Variants in IQCJ observed in about 807,000 individuals in gnomAD.
IQCJ encodes IQ domain-containing protein J.
Under a neutral mutation model 11.0 loss-of-function variants are expected in IQCJ, and 9 were observed. That is an observed-to-expected ratio of 0.82 (90% CI 0.49 to 1.43). The LOEUF is 1.43. Ranked by LOEUF, IQCJ falls within the 40% of genes most tolerant of loss-of-function variation. The probability of loss-of-function intolerance (pLI) is 0.00; values close to 1 mark genes in which losing one functional copy is unlikely to be tolerated. For missense variants in IQCJ, 146 were observed against 133.2 expected (o/e 1.10, Z -0.47); for synonymous variants, 55 against 51.3 (o/e 1.07, Z -0.31).
At chr3:159,101,490 G>T (rs1489933449) in intron 1 of IQCJ, among the ~76,000 whole-genome samples, 5 of 152,174 alleles carry the variant, frequency 3.3e-5, no homozygotes, top group African/African-American at 1.2e-4. Context: ...AGGCAAGGTT[G>T]CTTCATGGGA....
At chr3:159,165,726 GC>G (rs1722127018) in intron 1 of IQCJ, among the ~76,000 whole-genome samples, 1 of 149,430 alleles carries the variant, frequency 6.7e-6, no homozygotes, top group Non-Finnish European at 1.5e-5. Context: ...CAATTCTCCT[GC>G]CTCAGCCTCC....
chr3:159,197,774 C>T (rs1724073879), intron 1 of IQCJ, among the ~76,000 whole-genome samples: 1 of 151,438 alleles, frequency 6.6e-6, no homozygotes, highest in African/African-American at 2.4e-5. Context: ...CAGCTACTCT[C>T]AAGTAAGCAC....
In IQCJ at chr3:159,139,702, T is replaced by A. The variant is rs369139192; in HGVS notation, c.9+70261T>A. 3.3e-5 allele frequency among the ~76,000 whole-genome samples: 5 copies of A among 152,348 alleles called. No homozygotes were observed. In the East Asian group the frequency reaches 7.7e-4, roughly 24 times the overall value. ...TGGGCTGGGACACCTGCCAGGGTGC[T>A]GCTCAACAGATTCTCTCTTCATGCA... On this transcript the variant is annotated intron_variant, in intron 1 of 3. Transcript: ENST00000397832.
intron 1 of IQCJ, among the ~76,000 whole-genome samples, chr3:159,108,370 A>G (rs2134029): frequency 0.2 from 30,263 of 152,100 alleles, 3,793 homozygotes; most frequent in Admixed American, 0.36. Context: ...TAGCATCAAC[A>G]CTAAAAGAGA....
intron 3 of IQCJ, among the ~76,000 whole-genome samples, chr3:159,258,901 C>A (rs913639399): frequency 1.4e-4 from 22 of 152,124 alleles, no homozygotes; most frequent in Non-Finnish European, 2.8e-4. Flanking sequence ...CTCAGACTTA[C>A]TGCTCTTCTC....
chr3:159,134,088 T>C (rs1577030676), intron 1 of IQCJ, among the ~76,000 whole-genome samples: 1 of 152,156 alleles, frequency 6.6e-6, no homozygotes, highest in East Asian at 1.9e-4. Flanking sequence ...AGGTCACAGC[T>C]AGAGGCTGCT....
intron 1 of IQCJ, among the ~76,000 whole-genome samples, chr3:159,235,811 G>A (rs1283241864): frequency 6.6e-6 from 1 of 152,150 alleles, no homozygotes; most frequent in Non-Finnish European, 1.5e-5. Flanking sequence ...ACGTAGTCTG[G>A]TTGGTCAAAC....
rs1726864704 is a variant in IQCJ, at chr3:159,240,679, G to C, written c.10-5164G>C. 2.6e-5 allele frequency among the ~76,000 whole-genome samples: 4 copies of C among 152,264 alleles called. No homozygotes were observed. In the South Asian group the frequency reaches 8.3e-4, roughly 32 times the overall value. On this transcript the variant is annotated intron_variant, in intron 1 of 3. Transcript: ENST00000397832. The stretch of plus-strand genomic sequence containing the variant: ...AAAAAGTAATTCACGGCCAGGCACT[G>C]TGGCTCACACCTGTAATCCCAGCAC...
rs141564877 is a variant in IQCJ at position 159,222,392 on chromosome 3, G to A, written c.10-23451G>A. 7.9e-5 allele frequency among the ~76,000 whole-genome samples: 12 copies of A among 152,282 alleles called. No homozygotes were observed. In the East Asian group the frequency reaches 2.3e-3, roughly 29 times the overall value. On this transcript the variant is annotated intron_variant, in intron 1 of 3. Transcript: ENST00000397832. ...CATTTGTGACACTATGGATGAACCT[G>A]GAGGATATCATGCTAAGTGAAATAT...
intron 1 of IQCJ, among the ~76,000 whole-genome samples, chr3:159,215,874 T>TC (rs1725196548): frequency 6.6e-6 from 1 of 152,052 alleles, no homozygotes; most frequent in Non-Finnish European, 1.5e-5. Flanking sequence ...CATGTTTGTT[T>TC]CCCCTACAAG....
At chr3:159,200,581 C>T (rs1246468198) in intron 1 of IQCJ, among the ~76,000 whole-genome samples, 1 of 152,158 alleles carries the variant, frequency 6.6e-6, no homozygotes, top group African/African-American at 2.4e-5. Flanking sequence ...CAACCACCAT[C>T]CTCCAGCAGG....
intron 1 of IQCJ, among the ~76,000 whole-genome samples, chr3:159,213,518 C>G (rs1725063097): frequency 6.6e-6 from 1 of 152,102 alleles, no homozygotes; most frequent in East Asian, 1.9e-4. Context: ...CTGCAAAGTA[C>G]TGTATAAAGA....
chr3:159,252,754 T>C lies in IQCJ; in HGVS notation c.102T>C (p.Asn34=). ...ACCAGCTGGCCATGGATGCAGAGAA[T>C]AATATTGAAAAGTATCCCCTCAATC... ...ENHQLAMDAE[N]NIEKYPLNLQ... is the part of the protein sequence containing the mutation. Residue 34 remains asparagine (N), a synonymous_variant, in exon 3 of 4, where the codon AAT becomes AAC. Coordinates refer to ENST00000397832, the MANE Select transcript of IQCJ (RefSeq NM_001042706.3). The C allele has an allele frequency of 1.2e-6, 2 of 1,612,722 alleles. No individual in the cohort carries two copies. The highest frequency in any genetic ancestry group is 4.5e-5 in the East Asian group (2 of 44,804).
chr3:159,190,712 C>T (rs931878538), intron 1 of IQCJ, among the ~76,000 whole-genome samples: 20 of 152,168 alleles, frequency 1.3e-4, no homozygotes, highest in East Asian at 3.9e-4. Context: ...ACCTGTGTCC[C>T]GGTTCTAGCT....
intron 3 of IQCJ, among the ~76,000 whole-genome samples, chr3:159,255,168 C>A (rs1727826487): frequency 6.6e-6 from 1 of 152,220 alleles, no homozygotes; most frequent in Non-Finnish European, 1.5e-5. Context: ...CTTTTGACTT[C>A]TTTTGGTGGG....
chr3:159,211,824 AC>A (rs1316595628), intron 1 of IQCJ, among the ~76,000 whole-genome samples: 2 of 152,036 alleles, frequency 1.3e-5, no homozygotes, highest in Non-Finnish European at 2.9e-5. Context: ...TACAATGTAG[AC>A]AGAAGAGAAG....
intron 1 of IQCJ, among the ~76,000 whole-genome samples, chr3:159,163,781 AG>A (rs1417758737): frequency 6.6e-6 from 1 of 152,184 alleles, no homozygotes; most frequent in Non-Finnish European, 1.5e-5. Flanking sequence ...TATCTGCCCA[AG>A]GTCACACACT....
At chr3:159,237,286 AAAT>A (rs752125681) in intron 1 of IQCJ, among the ~76,000 whole-genome samples, 13 of 152,160 alleles carry the variant, frequency 8.5e-5, no homozygotes, top group Non-Finnish European at 1.5e-5. Context: ...AAAGGAGGAA[AAAT>A]AAAAAACAAA....
intron 1 of IQCJ, among the ~76,000 whole-genome samples, chr3:159,200,047 T>TATATATATATATATATAA (rs946263011): frequency 7.1e-6 from 1 of 139,906 alleles, no homozygotes; most frequent in Non-Finnish European, 1.5e-5. Context: ...TATATATATA[T>TATATATATATATATATAA]AAATCTAAAT....
Sources: allele counts gnomAD v4.1 joint callset (sites outside exome capture counted in the v4.1 genomes callset), GRCh38; gene constraint gnomAD v4.1.1; transcripts MANE v1.5; gene names NCBI Gene and HGNC (gene_info 2026-07-23, HGNC 2026-07-21).